The following RALYL variants were observed in gnomAD, a reference collection of about 807,000 sequenced individuals.
RALYL encodes RALY RNA binding protein like.
RALYL carries 29 observed loss-of-function variants against 35.1 expected under a neutral mutation model. The observed-to-expected ratio is 0.83, with a 90% confidence interval of 0.61 to 1.13. RALYL has a LOEUF of 1.13. RALYL is among the 50% of genes most tolerant of loss of function. The pLI is 0.00. For synonymous variants in RALYL, 120 were observed against 127.6 expected (o/e 0.94, Z 0.40); for missense variants, 359 against 360.4 (o/e 1.00, Z 0.03).
chr8:84,616,863 G>T lies in RALYL; in HGVS notation c.256+87286G>T, dbSNP rs556476987. Among the ~76,000 whole-genome samples, 126 of 151,684 alleles carry T rather than the reference G, an allele frequency of 8.3e-4. 3 individuals are homozygous for T. Among genetic ancestry groups the T allele is most frequent in the African/African-American group, 2.9e-3 (121 of 41,060 alleles). On this transcript the variant is annotated intron_variant, in intron 2 of 8. Transcript: ENST00000521268. ...TTAAGTAGGGAATCCTTTCCCCATT[G>T]CTTGTTTTTCTCAGGTTTGTCAAAG...
intron 2 of RALYL, among the ~76,000 whole-genome samples, chr8:84,584,591 G>C (rs1292296237): frequency 2.1e-5 from 3 of 145,092 alleles, no homozygotes; most frequent in Non-Finnish European, 4.5e-5. Context: ...AACAGAGCAA[G>C]ACTCTGTCTC....
At chr8:84,584,533 G>A (rs542641395) in intron 2 of RALYL, among the ~76,000 whole-genome samples, 1 of 151,738 alleles carries the variant, frequency 6.6e-6, no homozygotes, top group South Asian at 2.1e-4. Context: ...AACCCAGGAG[G>A]CAGAGGTTGC....
At chr8:84,212,423 G>T (rs931581756) in intron 1 of RALYL, among the ~76,000 whole-genome samples, 1 of 151,918 alleles carries the variant, frequency 6.6e-6, no homozygotes, top group Non-Finnish European at 1.5e-5. Flanking sequence ...GGGGAGATAT[G>T]ATTTTCTCAG....
At chr8:84,234,249 G>T (rs1459783216) in intron 1 of RALYL, among the ~76,000 whole-genome samples, 1 of 152,076 alleles carries the variant, frequency 6.6e-6, no homozygotes, top group African/African-American at 2.4e-5. Context: ...CTTAGCTTTG[G>T]CAGATTGGCC....
At chr8:84,596,326 T>C (rs534294972) in intron 2 of RALYL, among the ~76,000 whole-genome samples, 1 of 152,250 alleles carries the variant, frequency 6.6e-6, no homozygotes, top group East Asian at 1.9e-4. Context: ...TGTGAGTTTT[T>C]TCTCAGCAAC....
chr8:84,390,109 T>C (rs1445171326), intron 1 of RALYL, among the ~76,000 whole-genome samples: 1 of 152,174 alleles, frequency 6.6e-6, no homozygotes, highest in Non-Finnish European at 1.5e-5. Context: ...AATCATGGTT[T>C]TTGTCTTTGG....
chr8:84,785,881 T>C (rs887785148), intron 3 of RALYL, among the ~76,000 whole-genome samples: 3 of 152,232 alleles, frequency 2.0e-5, no homozygotes, highest in Non-Finnish European at 2.9e-5. Context: ...GTTTGTTACA[T>C]AGGTAAATGT....
At chr8:84,753,072 A>G (rs1286300091) in intron 2 of RALYL, among the ~76,000 whole-genome samples, 1 of 152,144 alleles carries the variant, frequency 6.6e-6, no homozygotes, top group Non-Finnish European at 1.5e-5. Flanking sequence ...CCATGACAAC[A>G]GGGGCAAAAC....
intron 2 of RALYL, among the ~76,000 whole-genome samples, chr8:84,724,528 T>A (rs1354346198): frequency 1.3e-5 from 2 of 151,814 alleles, no homozygotes; most frequent in African/African-American, 4.8e-5. Context: ...ATCTTTGACA[T>A]TCATTTAGAA....
At chr8:84,853,638 T>C in intron 5 of RALYL, among the ~76,000 whole-genome samples, 1 of 152,186 alleles carries the variant, frequency 6.6e-6, no homozygotes, top group Admixed American at 6.5e-5. Flanking sequence ...CTCTCGTTAG[T>C]TTATTTTCCA....
intron 3 of RALYL, among the ~76,000 whole-genome samples, chr8:84,780,522 G>T (rs933828347): frequency 1.9e-4 from 29 of 152,184 alleles, no homozygotes; most frequent in African/African-American, 6.8e-4. Context: ...ATGTTGAAAT[G>T]CTTTTGTTCT....
rs1358682008 is a variant in RALYL at position 84,712,632 on chromosome 8, C to A, written c.257-61947C>A. Among the ~76,000 whole-genome samples, 3 of 152,066 alleles carry A rather than the reference C, an allele frequency of 2.0e-5. 1 individual carries two copies. Among genetic ancestry groups the A allele is most frequent in the Admixed American group, 1.3e-4 (2 of 15,254 alleles). On this transcript the variant is annotated intron_variant, in intron 2 of 8. Coordinates refer to ENST00000521268, the MANE Select transcript of RALYL (RefSeq NM_173848.7). ...GTCACCTGCTCTTTTAATTTCTCTTCTAAGAATCTGTGCTGCATTTATATC... is the reference window on the plus strand; with the variant it reads ...GTCACCTGCTCTTTTAATTTCTCTTATAAGAATCTGTGCTGCATTTATATC...
At position 84,387,849 on chromosome 8, in the gene RALYL, A is replaced by G. The variant is rs188954119; in HGVS notation, c.-23-141450A>G. 1.5e-3 allele frequency among the ~76,000 whole-genome samples: 219 copies of G among 148,630 alleles called. 2 individuals carry two copies. Among genetic ancestry groups the G allele is most frequent in the African/African-American group, 4.4e-3 (176 of 39,696 alleles). On this transcript the variant is annotated intron_variant, in intron 1 of 8. Coordinates refer to ENST00000521268, the MANE Select transcript of RALYL (RefSeq NM_173848.7). ...TAAGATAGCTACATTTTATTTTTAA[A>G]ATTTATTATTATACTTCAAGTTTTA...
intron 1 of RALYL, among the ~76,000 whole-genome samples, chr8:84,425,389 T>C (rs548779162): frequency 1.3e-5 from 2 of 152,182 alleles, no homozygotes; most frequent in Non-Finnish European, 1.5e-5. Flanking sequence ...GGTGAGGCAA[T>C]GCCTCGCCCT....
At chr8:84,450,275 C>T (rs1055396835) in intron 1 of RALYL, among the ~76,000 whole-genome samples, 2 of 151,676 alleles carry the variant, frequency 1.3e-5, no homozygotes, top group Non-Finnish European at 2.9e-5. Context: ...TCTGGGAGAA[C>T]TGGGAAACTT....
chr8:84,669,011 G>A (rs563149100), intron 2 of RALYL, among the ~76,000 whole-genome samples: 36 of 151,386 alleles, frequency 2.4e-4, no homozygotes, highest in African/African-American at 6.6e-4. Context: ...TCATTCATTC[G>A]TAATCATTTA....
intron 2 of RALYL, among the ~76,000 whole-genome samples, chr8:84,555,256 C>T (rs2061030914): frequency 6.6e-6 from 1 of 151,952 alleles, no homozygotes; most frequent in African/African-American, 2.4e-5. Context: ...TCCAACGTGG[C>T]AACAGAGTGA....
At chr8:84,426,212 C>T (rs145551772) in intron 1 of RALYL, among the ~76,000 whole-genome samples, 1 of 152,104 alleles carries the variant, frequency 6.6e-6, no homozygotes, top group East Asian at 1.9e-4. Context: ...CACATAGTTA[C>T]CCATTAGTTT....
intron 2 of RALYL, among the ~76,000 whole-genome samples, chr8:84,686,775 C>T (rs1282271772): frequency 6.6e-6 from 1 of 152,036 alleles, no homozygotes; most frequent in Non-Finnish European, 1.5e-5. Context: ...AATTCACTTC[C>T]TTTTCCAACA....
Sources: gnomAD v4.1 joint callset for allele counts (sites outside exome capture counted in the v4.1 genomes callset) on GRCh38, gnomAD v4.1.1 for gene constraint, MANE v1.5 for transcripts, NCBI Gene and HGNC (gene_info 2026-07-23, HGNC 2026-07-21) for gene names.